Variants in IL15 observed in about 807,000 individuals in gnomAD.
The protein encoded by IL15 is interleukin 15, also known as interleukin-15.
In IL15, 11 loss-of-function variants were observed where a neutral mutation model predicts 19.6. That is an observed-to-expected ratio of 0.56 (90% CI 0.35 to 0.93). IL15 has a LOEUF of 0.93. Among genes scored for constraint, IL15 ranks in the 40% least tolerant of loss-of-function variants. The pLI is 0.01. For missense variants in IL15, 197 were observed against 186.5 expected, an observed-to-expected ratio of 1.06 and a Z score of -0.33; for synonymous variants, 58 against 59.6, an observed-to-expected ratio of 0.97 and a Z score of 0.12.
intron 2 of IL15, among the ~76,000 whole-genome samples, chr4:141,669,908 A>G (rs1338919733): frequency 6.6e-6 from 1 of 151,930 alleles, no homozygotes; most frequent in Non-Finnish European, 1.5e-5. Flanking sequence ...ATCTAGATTA[A>G]TGTTCACCGT....
chr4:141,656,998 A>T (rs1727629629), intron 2 of IL15, among the ~76,000 whole-genome samples: 1 of 152,180 alleles, frequency 6.6e-6, no homozygotes, highest in South Asian at 2.1e-4. Flanking sequence ...TAAGAAATGC[A>T]TTGTTACACA....
chr4:141,645,770 G>A (rs753003203), intron 1 of IL15, among the ~76,000 whole-genome samples: 2 of 152,066 alleles, frequency 1.3e-5, no homozygotes, highest in Admixed American at 1.3e-4. Context: ...AATGGTCAAG[G>A]GATGTCTGAG....
chr4:141,665,637 C>G (rs1727946296), intron 2 of IL15, among the ~76,000 whole-genome samples: 1 of 152,118 alleles, frequency 6.6e-6, no homozygotes, highest in South Asian at 2.1e-4. Flanking sequence ...AAGTATGCTT[C>G]TCAGATTGTA....
At chr4:141,645,431 T>C (rs1000492245) in intron 1 of IL15, among the ~76,000 whole-genome samples, 3 of 152,288 alleles carry the variant, frequency 2.0e-5, no homozygotes, top group East Asian at 3.9e-4. Context: ...AAACTACTTA[T>C]TTCTTGGAGA....
At chr4:141,690,416 C>A (rs1728872165) in intron 2 of IL15, among the ~76,000 whole-genome samples, 1 of 152,186 alleles carries the variant, frequency 6.6e-6, no homozygotes, top group South Asian at 2.1e-4. Context: ...CAGGCTGTCA[C>A]CTCTCACCAC....
At position 141,729,878 on chromosome 4, in the gene IL15, T is replaced by A. The variant is rs374370758; in HGVS notation, c.272T>A (p.Phe91Tyr). ...TGCAAAGTAACAGCAATGAAGTGCT[T>A]TCTCTTGGAGTTACAAGTTATTTCA... is the stretch of plus-strand genomic sequence containing the variant. ...PSCKVTAMKC[F>Y]LLELQVISLE... The change falls in exon 7 of 8, where the codon TTT (phenylalanine) becomes TAT (tyrosine). Residue 91 changes from phenylalanine (F) to tyrosine (Y), a missense_variant. By Grantham distance (22) the Phe-to-Tyr change is conservative. Transcript: ENST00000320650. 6.3e-7 allele frequency: 1 copy of A among 1,582,974 alleles called. No homozygotes were observed. The highest frequency in any genetic ancestry group is 1.3e-5 in the African/African-American group (1 of 74,246).
At chr4:141,661,367 A>G (rs996871872) in intron 2 of IL15, among the ~76,000 whole-genome samples, 3 of 152,204 alleles carry the variant, frequency 2.0e-5, no homozygotes, top group Non-Finnish European at 4.4e-5. Context: ...TTTTGTTCCC[A>G]TAAGAGGCAG....
At chr4:141,651,157 C>T (rs751210898) in intron 1 of IL15, among the ~76,000 whole-genome samples, 26 of 151,800 alleles carry the variant, frequency 1.7e-4, no homozygotes, top group Middle Eastern at 6.8e-3. Context: ...TGTATATATA[C>T]ACACCATATA....
At chr4:141,650,924 C>T (rs1250274471) in intron 1 of IL15, among the ~76,000 whole-genome samples, 1 of 151,960 alleles carries the variant, frequency 6.6e-6, no homozygotes, top group Non-Finnish European at 1.5e-5. Flanking sequence ...GTCTCTAGAC[C>T]CCAGTCCATT....
chr4:141,674,731 A>G (rs1728283984), intron 2 of IL15, among the ~76,000 whole-genome samples: 1 of 152,238 alleles, frequency 6.6e-6, no homozygotes, highest in African/African-American at 2.4e-5. Context: ...TGCAATATGT[A>G]TGCAATGTGC....
intron 2 of IL15, among the ~76,000 whole-genome samples, chr4:141,691,840 A>G (rs897970446): frequency 1.3e-5 from 2 of 152,110 alleles, no homozygotes; most frequent in Non-Finnish European, 2.9e-5. Context: ...CAGTGGATCT[A>G]TCTTTCTAGG....
intron 2 of IL15, among the ~76,000 whole-genome samples, chr4:141,677,262 C>T (rs1228771147): frequency 6.6e-6 from 1 of 152,146 alleles, no homozygotes; most frequent in Non-Finnish European, 1.5e-5. Context: ...TCAGCTTACT[C>T]AATTTGAAGA....
chr4:141,640,112 G>A (rs559305896), intron 1 of IL15, among the ~76,000 whole-genome samples: 2 of 152,180 alleles, frequency 1.3e-5, no homozygotes, highest in African/African-American at 4.8e-5. Context: ...ATAAACATAA[G>A]AAGCTAAGAA....
intron 1 of IL15, among the ~76,000 whole-genome samples, chr4:141,652,949 T>C (rs746065028): frequency 7.2e-5 from 11 of 152,304 alleles, no homozygotes; most frequent in South Asian, 2.1e-4. Flanking sequence ...TACGTTATTA[T>C]CAGCAGGTAA....
chr4:141,705,208 G>C (rs554642242), intron 2 of IL15, among the ~76,000 whole-genome samples: 3 of 151,592 alleles, frequency 2.0e-5, no homozygotes, highest in Non-Finnish European at 4.4e-5. Context: ...TTTTGGTGTA[G>C]GCATTTACTA....
intron 2 of IL15, chr4:141,717,380 A>G (rs1273676251): frequency 6.6e-6 from 1 of 152,158 alleles, no homozygotes; most frequent in African/African-American, 2.4e-5. Context: ...TCATGAATGG[A>G]TTAATGCAGT....
chr4:141,726,047 A>G (rs1730252013), intron 5 of IL15, among the ~76,000 whole-genome samples: 1 of 152,032 alleles, frequency 6.6e-6, no homozygotes. Context: ...TTTCCGTAAT[A>G]ACACATTGAT....
intron 5 of IL15, among the ~76,000 whole-genome samples, chr4:141,723,969 C>T (rs187837078): frequency 8.2e-4 from 125 of 152,172 alleles, no homozygotes; most frequent in Admixed American, 1.6e-3. Flanking sequence ...CATAAAAATA[C>T]AATATAACCA....
At chr4:141,668,906 G>A (rs538444297) in intron 2 of IL15, among the ~76,000 whole-genome samples, 22 of 152,160 alleles carry the variant, frequency 1.4e-4, no homozygotes, top group Non-Finnish European at 2.9e-4. Context: ...TGCTAAAAAC[G>A]TGAATGCAAG....
Sources: allele counts gnomAD v4.1 joint callset (sites outside exome capture counted in the v4.1 genomes callset), GRCh38; gene constraint gnomAD v4.1.1; transcripts MANE v1.5; gene names NCBI Gene and HGNC (gene_info 2026-07-23, HGNC 2026-07-21).